The following FGF13 variants were observed in gnomAD, a reference collection of about 807,000 sequenced individuals.
FGF13 encodes fibroblast growth factor 13.
In FGF13, 2 loss-of-function variants were observed where a neutral mutation model predicts 19.5. The ratio of observed to expected loss-of-function variants is 0.10; its 90% confidence interval spans 0.04 to 0.32. The LOEUF (loss-of-function observed/expected upper bound fraction) is 0.32, where lower values mean the gene tolerates loss of function less well. FGF13 is among the 10% of genes least tolerant of loss of function. The pLI, the probability that FGF13 is intolerant of heterozygous loss-of-function variation, is 1.00. For synonymous variants in FGF13, 72 were observed against 76.9 expected, an observed-to-expected ratio of 0.94 and a Z score of 0.33; for missense variants, 113 against 192.7, an observed-to-expected ratio of 0.59 and a Z score of 2.45.
chrX:139,118,488 G>T (rs961456099), intron 1 of FGF13, among the ~76,000 whole-genome samples: 1 of 111,394 alleles, frequency 9.0e-6, no homozygotes, highest in Non-Finnish European at 1.9e-5. Context: ...AGAAAAGGAG[G>T]CCCCAGATCC....
At chrX:138,667,047 C>G (rs1489103084) in intron 3 of FGF13, among the ~76,000 whole-genome samples, 1 of 107,644 alleles carries the variant, frequency 9.3e-6, no homozygotes, top group African/African-American at 3.3e-5. Context: ...ACATATATAT[C>G]TTTATGTAAT....
At chrX:138,720,853 G>T (rs1602745261) in intron 1 of FGF13, among the ~76,000 whole-genome samples, 1 of 112,036 alleles carries the variant, frequency 8.9e-6, no homozygotes, top group African/African-American at 3.2e-5. Flanking sequence ...CTCAGGTAAA[G>T]AATTTGCAAA....
intron 1 of FGF13, among the ~76,000 whole-genome samples, chrX:139,089,941 C>G (rs1457045373): frequency 9.0e-6 from 1 of 111,429 alleles, no homozygotes; most frequent in Non-Finnish European, 1.9e-5. Flanking sequence ...TCTCCTCAAG[C>G]AATCCTCCCA....
chrX:139,131,351 T>G (rs1012440417), intron 1 of FGF13, among the ~76,000 whole-genome samples: 2 of 107,256 alleles, frequency 1.9e-5, no homozygotes, highest in Admixed American at 1.0e-4. Flanking sequence ...GGTACCCATA[T>G]ATAATTGTTG....
At position 138,997,906 on chromosome X, in the gene FGF13, A is replaced by G. The variant is rs1928248116; in HGVS notation, c.-112-133256T>C. Among the ~76,000 whole-genome samples, 2 of 111,498 alleles carry G rather than the reference A, an allele frequency of 1.8e-5. 1 individual carries two copies. Among genetic ancestry groups the G allele is most frequent in the Non-Finnish European group, 3.8e-5 (2 of 53,093 alleles). On this transcript the variant is annotated intron_variant, in intron 1 of 2. Coordinates refer to the FGF13 transcript ENST00000421460. ...TCAGATTTTCACCAAAGTTGAAATG[A>G]AGGAAAAAATGTTAAGGGCAGCCAG...
At chrX:138,900,209 C>A (rs779623516) in intron 1 of FGF13, among the ~76,000 whole-genome samples, 11 of 110,999 alleles carry the variant, frequency 9.9e-5, no homozygotes, top group Non-Finnish European at 1.9e-4. Flanking sequence ...ATAAGCTGAC[C>A]ATGTCACTTA....
chrX:139,061,753 A>G (rs6635766), intron 1 of FGF13, among the ~76,000 whole-genome samples: 22,616 of 110,376 alleles, frequency 0.2, 2,045 homozygotes, highest in African/African-American at 0.33. Context: ...TTTTGATAAT[A>G]GCCACAGTAA....
intron 3 of FGF13, among the ~76,000 whole-genome samples, chrX:138,755,668 G>A (rs1305821731): frequency 8.9e-6 from 1 of 112,427 alleles, no homozygotes; most frequent in Non-Finnish European, 1.9e-5. Flanking sequence ...TCATTAGCAA[G>A]TCATCACAAA....
At chrX:138,899,040 C>T (rs1424436962) in intron 1 of FGF13, among the ~76,000 whole-genome samples, 1 of 111,131 alleles carries the variant, frequency 9.0e-6, no homozygotes, top group Non-Finnish European at 1.9e-5. Flanking sequence ...CGATTCCAGC[C>T]GTCAAGTCCA....
intron 1 of FGF13, among the ~76,000 whole-genome samples, chrX:139,137,547 G>T (rs1438599090): frequency 8.9e-6 from 1 of 111,912 alleles, no homozygotes; most frequent in Non-Finnish European, 1.9e-5. Flanking sequence ...ACTCATTAGG[G>T]CTAAGCACAC....
intron 1 of FGF13, among the ~76,000 whole-genome samples, chrX:138,998,236 A>G (rs1375276061): frequency 1.8e-5 from 2 of 111,731 alleles, no homozygotes; most frequent in East Asian, 5.6e-4. Flanking sequence ...AACATGCCAA[A>G]TTGTGAGGAC....
intron 1 of FGF13, among the ~76,000 whole-genome samples, chrX:139,020,897 TAAAAC>T (rs2092175285): frequency 9.0e-6 from 1 of 110,892 alleles, no homozygotes; most frequent in Admixed American, 9.6e-5. Context: ...TAACGAAAGT[TAAAAC>T]AAATCAAGAT....
intron 1 of FGF13, among the ~76,000 whole-genome samples, chrX:138,967,175 C>G (rs1356413805): frequency 1.8e-5 from 2 of 108,822 alleles, no homozygotes; most frequent in Non-Finnish European, 3.8e-5. Flanking sequence ...CCACATTATT[C>G]TGATATTTAC....
At chrX:138,858,959 T>C (rs2091273813) in intron 2 of FGF13, among the ~76,000 whole-genome samples, 1 of 111,933 alleles carries the variant, frequency 8.9e-6, no homozygotes, top group Admixed American at 9.5e-5. Context: ...TCTTAATAGA[T>C]TGACTCTATG....
intron 1 of FGF13, among the ~76,000 whole-genome samples, chrX:138,888,885 G>T (rs1186741613): frequency 9.0e-6 from 1 of 111,533 alleles, no homozygotes; most frequent in African/African-American, 3.3e-5. Flanking sequence ...TCATTCTTCT[G>T]ATATCTTTGT....
At chrX:139,065,247 T>C (rs2092351026) in intron 1 of FGF13, among the ~76,000 whole-genome samples, 1 of 110,651 alleles carries the variant, frequency 9.0e-6, no homozygotes, top group Admixed American at 9.7e-5. Context: ...CTACATCAAC[T>C]AATGGGCAAA....
At chrX:138,837,934 C>A (rs1307638918) in intron 3 of FGF13, among the ~76,000 whole-genome samples, 1 of 112,240 alleles carries the variant, frequency 8.9e-6, no homozygotes, top group Admixed American at 9.4e-5. Context: ...GGAGCTCCTG[C>A]CCAGTGAGGA....
rs1221461010 is a variant in FGF13 at position 138,626,422 on chromosome X, C to T, written c.*6428G>A. The stretch of plus-strand genomic sequence containing the variant: ...CCCTTCTGGCTGTTGAATTCCTACT[C>T]ATCTTTTAAGACTCCACTGAAACAT... On this transcript the variant is annotated 3_prime_UTR_variant, in exon 5 of 5. Coordinates refer to ENST00000315930, the MANE Select transcript of FGF13 (RefSeq NM_004114.5). 1 of 112,273 alleles carries T rather than the reference C, an allele frequency of 8.9e-6. No individual in the cohort carries two copies. Among genetic ancestry groups the T allele is most frequent in the Non-Finnish European group, 1.9e-5 (1 of 53,250 alleles). The allele number at this position is 112,273 out of a possible 1,213,427, so 9.3% of individuals were successfully genotyped here.
At chrX:139,003,291 G>A (rs1442654663) in intron 1 of FGF13, among the ~76,000 whole-genome samples, 1 of 110,792 alleles carries the variant, frequency 9.0e-6, no homozygotes, top group Non-Finnish European at 1.9e-5. Flanking sequence ...TCCTCCCGGT[G>A]GGCTTGTGGT....
Sources: allele counts gnomAD v4.1 joint callset (sites outside exome capture counted in the v4.1 genomes callset), GRCh38; gene constraint gnomAD v4.1.1; transcripts MANE v1.5; gene names NCBI Gene and HGNC (gene_info 2026-07-23, HGNC 2026-07-21).